The following MATR3 variants were observed in gnomAD, a reference collection of about 807,000 sequenced individuals.
MATR3 encodes matrin-3.
A neutral mutation model predicts 85.5 loss-of-function variants in MATR3; 4 were observed. The observed-to-expected ratio is 0.05, with a 90% confidence interval of 0.02 to 0.11. The LOEUF is 0.11. Ranked by LOEUF, MATR3 falls within the 10% of genes least tolerant of loss-of-function variation. The pLI is 1.00. For missense variants in MATR3, 685 were observed against 1,016.1 expected, an observed-to-expected ratio of 0.67 and a Z score of 4.43; for synonymous variants, 336 against 343.1, an observed-to-expected ratio of 0.98 and a Z score of 0.23.
chr5:139,308,094 G>A lies in MATR3; in HGVS notation c.679G>A (p.Gly227Arg). ...TTATGAAGATGACAGATTAAGAGAT[G>A]GAGAAAGGTGTAGGGATGATTCTTT... ...MDYEDDRLRDGERCRDDSFFG... is the reference protein window; with the variant it reads ...MDYEDDRLRDRERCRDDSFFG... The change falls in exon 2 of 15, where the codon GGA becomes AGA. Residue 227 changes from glycine to arginine, a missense_variant. Around this residue, in one of 9 missense-constraint regions of MATR3, gnomAD observed 223 missense variants for 334.4 expected, o/e 0.67. Coordinates refer to ENST00000394805, the MANE Select transcript of MATR3 (RefSeq NM_018834.6). 6.2e-7 allele frequency: 1 copy of A among 1,614,122 alleles called. No individual in the cohort carries two copies. The highest frequency in any genetic ancestry group is 8.5e-7 in the Non-Finnish European group (1 of 1,180,026).
chr5:139,305,354 T>A (rs966446488), intron 1 of MATR3, among the ~76,000 whole-genome samples: 40 of 152,230 alleles, frequency 2.6e-4, no homozygotes, highest in Admixed American at 1.4e-3. Context: ...ATGGCCGTTT[T>A]AAAAATTTTA....
At chr5:139,281,741 T>C (rs1233231790) in intron 3 of MATR3, among the ~76,000 whole-genome samples, 3 of 152,196 alleles carry the variant, frequency 2.0e-5, no homozygotes, top group Admixed American at 2.0e-4. Context: ...ATACCCAGGC[T>C]GCCAGCTGCC....
In MATR3 at chr5:139,319,513, A is replaced by G. The variant is rs1159918137; in HGVS notation, c.1602+12A>G. The G allele has an allele frequency of 6.2e-7, 1 of 1,601,126 alleles. No homozygotes were observed. Among genetic ancestry groups the G allele is most frequent in the Non-Finnish European group, 8.6e-7 (1 of 1,169,546 alleles). ...GGATGAAAAGTCAGGTAATATACAT[A>G]AGGAAGTTTTAGAGAAGATAATTTA... On this transcript the variant is annotated intron_variant, in intron 9 of 14. Transcript: ENST00000394805.
At chr5:139,289,324 AAGG>A (rs767501725), upstream of MATR3, among the ~76,000 whole-genome samples, 58 of 152,172 alleles carry the variant, frequency 3.8e-4, no homozygotes, top group Non-Finnish European at 6.2e-4. Context: ...GAGGCTGAGG[AAGG>A]AGGATAGCTT....
intron 1 of MATR3, among the ~76,000 whole-genome samples, chr5:139,301,553 T>G (rs951624283): frequency 6.6e-6 from 1 of 152,072 alleles, no homozygotes; most frequent in Admixed American, 6.6e-5. Context: ...ACTCCTGACC[T>G]TAAAGTGATC....
In MATR3 at chr5:139,284,617, A is replaced by C. The variant is rs1753644850; in HGVS notation, c.-178+5488A>C. On this transcript the variant is annotated intron_variant, in intron 3 of 16. Coordinates refer to ENST00000509990, the Ensembl canonical transcript of MATR3. Reference sequence around the variant, plus strand: ...ACTGAGACAGTCTCAAAAAAAAAAAAAGAAAATAATGGATTTGCAGAGACT... The same window carrying C: ...ACTGAGACAGTCTCAAAAAAAAAAACAGAAAATAATGGATTTGCAGAGACT... 4.6e-5 allele frequency among the ~76,000 whole-genome samples: 7 copies of C among 152,138 alleles called. No individual in the cohort carries two copies. The South Asian group carries it at 1.4e-3, about 31-fold the overall frequency.
chr5:139,277,120 CCACCACAA>C (rs1176720914), intron 2 of MATR3, among the ~76,000 whole-genome samples: 1 of 151,556 alleles, frequency 6.6e-6, no homozygotes, highest in Non-Finnish European at 1.5e-5. Context: ...TAGGTGTGTG[CCACCACAA>C]CCAGATAATT....
rs1756041807 is a variant in MATR3 at position 139,329,773 on chromosome 5, A to C, written c.*378A>C. 1 of 455,086 alleles carries C rather than the reference A, an allele frequency of 2.2e-6. No homozygotes were observed. The highest frequency in any genetic ancestry group is 2.3e-5 in the Admixed American group (1 of 42,578). The allele number at this position is 455,086 out of a possible 1,614,324, so 28.2% of individuals were successfully genotyped here. ...ATTCCATTCAATAAAGAACAAAACC[A>C]ATAGTGTTTTTATTACTTTCATCTG... On this transcript the variant is annotated 3_prime_UTR_variant, in exon 15 of 15. Transcript: ENST00000394805.
intron 2 of MATR3, among the ~76,000 whole-genome samples, chr5:139,277,758 C>G (rs1238782895): frequency 5.1e-5 from 6 of 118,394 alleles, no homozygotes; most frequent in Non-Finnish European, 8.5e-5. Flanking sequence ...CATGTCTGCT[C>G]GTCTTTTTTT....
chr5:139,308,297 T>A lies in MATR3; in HGVS notation c.882T>A (p.Ser294=). The A allele has an allele frequency of 6.2e-7, 1 of 1,614,168 alleles. No homozygotes were observed. Among genetic ancestry groups the A allele is most frequent in the Non-Finnish European group, 8.5e-7 (1 of 1,180,004 alleles). ...LLPKGYPHLC[S]ICDLPVHSNK... Reference sequence around the variant, plus strand: ...CGAAGGGTTATCCCCATCTGTGCTCTATATGTGATTTGCCAGTTCATTCTA... The same window carrying A: ...CGAAGGGTTATCCCCATCTGTGCTCAATATGTGATTTGCCAGTTCATTCTA... Residue 294 remains serine, a synonymous_variant, in exon 2 of 15, where the codon TCT becomes TCA. Transcript: ENST00000394805.
intron 3 of MATR3, among the ~76,000 whole-genome samples, chr5:139,285,897 A>G (rs778321138): frequency 2.0e-5 from 3 of 152,200 alleles, no homozygotes; most frequent in Non-Finnish European, 2.9e-5. Flanking sequence ...AGTGAAGCCT[A>G]TGGGACACCA....
At chr5:139,303,357 C>T (rs1754550456) in intron 1 of MATR3, among the ~76,000 whole-genome samples, 1 of 150,316 alleles carries the variant, frequency 6.7e-6, no homozygotes, top group Non-Finnish European at 1.5e-5. Flanking sequence ...ACCTCGGCTT[C>T]CCAAAGTGCA....
chr5:139,296,241 A>C lies in MATR3; in HGVS notation c.-178+2436A>C, dbSNP rs1754143495. ...TGGGAATCTGCTAATTCTGTTGTGA[A>C]AGTGGAAATCTATACAGCCACTTAA... On this transcript the variant is annotated intron_variant, in intron 1 of 14. Coordinates refer to ENST00000394805, the MANE Select transcript of MATR3 (RefSeq NM_018834.6). Among the ~76,000 whole-genome samples, 3 of 152,330 alleles carry C rather than the reference A, an allele frequency of 2.0e-5. No homozygotes were observed. In the South Asian group the frequency reaches 6.2e-4, roughly 32 times the overall value.
intron 2 of MATR3, among the ~76,000 whole-genome samples, chr5:139,308,876 CACAA>C (rs1304357110): frequency 6.6e-6 from 1 of 152,114 alleles, no homozygotes; most frequent in Non-Finnish European, 1.5e-5. Flanking sequence ...TTCCCTTTAA[CACAA>C]ACTCTCATAC....
Position 139,325,590 on chromosome 5 carries a change from G to A in MATR3, c.2299G>A (p.Asp767Asn), listed in dbSNP as rs1169701913. Residue 767 changes from aspartate (D) to asparagine (N), a missense_variant, in exon 13 of 15, where the codon GAT becomes AAT. Asp to Asn is a conservative substitution (Grantham distance 23). Around this residue, in one of 9 missense-constraint regions of MATR3, gnomAD observed 215 missense variants for 194.7 expected, o/e 1.10. Coordinates refer to ENST00000394805, the MANE Select transcript of MATR3 (RefSeq NM_018834.6). ...AAGTGAAAACGCAGATGGTCAAAGT[G>A]ATGAGAACAAGGACGACTATACAAT... The part of the protein sequence containing the change: ...DTSENADGQS[D>N]ENKDDYTIPD... 6 of 1,614,190 alleles carry A rather than the reference G, an allele frequency of 3.7e-6. No individual in the cohort carries two copies. In the South Asian group the frequency reaches 4.4e-5, roughly 12 times the overall value.
At chr5:139,324,295 T>TG (rs1755730999) in intron 12 of MATR3, among the ~76,000 whole-genome samples, 2 of 145,816 alleles carry the variant, frequency 1.4e-5, no homozygotes, top group East Asian at 2.0e-4. Context: ...TGATTGTTTT[T>TG]TTTTTTTTTT....
chr5:139,313,395 T>C (rs1361750564), intron 2 of MATR3: 7 of 151,816 alleles, frequency 4.6e-5, no homozygotes, highest in Non-Finnish European at 1.0e-4. Flanking sequence ...TTTACCTTTA[T>C]TGACTCATTT....
chr5:139,294,217 G>C, intron 1 of MATR3: 1 of 456,210 alleles, frequency 2.2e-6, no homozygotes, highest in African/African-American at 2.0e-5. Flanking sequence ...CTCGCTCGAG[G>C]CCTGAGGGAC....
Position 139,308,389 on chromosome 5 carries a change from CT to C in MATR3, c.912+65del. On this transcript the variant is annotated intron_variant, in intron 2 of 14. Coordinates refer to ENST00000394805, the MANE Select transcript of MATR3 (RefSeq NM_018834.6). ...CATTGTAGTGCCTATTTACCTATAT[CT>C]TTGACTCTAATTCTGTAGTCTGATG... 4.4e-6 allele frequency: 7 copies of C among 1,581,614 alleles called. No individual in the cohort carries two copies. In the South Asian group the frequency reaches 7.8e-5, roughly 18 times the overall value.
Sources: allele counts gnomAD v4.1 joint callset (sites outside exome capture counted in the v4.1 genomes callset), GRCh38; gene constraint gnomAD v4.1.1; regional missense constraint gnomAD v4.1.1; transcripts MANE v1.5; gene names NCBI Gene and HGNC (gene_info 2026-07-23, HGNC 2026-07-21).